CTNNA3: variants seen among roughly 807,000 people sequenced by gnomAD.
The protein encoded by CTNNA3 is catenin alpha 3.
Under a neutral mutation model 95.7 loss-of-function variants are expected in CTNNA3, and 76 were observed. The observed-to-expected ratio is 0.79, with a 90% CI of 0.66 to 0.96. The LOEUF (loss-of-function observed/expected upper bound fraction) is 0.96. Among genes scored for constraint, CTNNA3 ranks in the 40% least tolerant of loss-of-function variants. CTNNA3 has a pLI of 0.00. For missense variants in CTNNA3, 1,191 were observed against 1,089.8 expected (o/e 1.09, Z -1.31); for synonymous variants, 431 against 374.4 (o/e 1.15, Z -1.74).
At chr10:67,354,118 C>G (rs1447730064) in intron 5 of CTNNA3, among the ~76,000 whole-genome samples, 1 of 152,006 alleles carries the variant, frequency 6.6e-6, no homozygotes, top group Non-Finnish European at 1.5e-5. Flanking sequence ...TTACAAAAGT[C>G]TTGCTTTCTG....
At chr10:66,277,718 G>A (rs147478694) in intron 13 of CTNNA3, among the ~76,000 whole-genome samples, 124 of 152,230 alleles carry the variant, frequency 8.1e-4, no homozygotes, top group African/African-American at 2.9e-3. Context: ...TGGGGGTATA[G>A]AGATAGAGAC....
intron 17 of CTNNA3, among the ~76,000 whole-genome samples, chr10:65,950,842 CT>C (rs574328878): frequency 7.9e-5 from 12 of 152,010 alleles, no homozygotes; most frequent in Non-Finnish European, 1.3e-4. Flanking sequence ...CACATCTATA[CT>C]TTTTTTTATC....
At chr10:67,164,060 C>G (rs933310169) in intron 7 of CTNNA3, among the ~76,000 whole-genome samples, 10 of 148,958 alleles carry the variant, frequency 6.7e-5, no homozygotes, top group Non-Finnish European at 1.5e-4. Flanking sequence ...AATTGATATA[C>G]AAGTTTTTAT....
At chr10:66,974,042 T>C (rs1469082525) in intron 7 of CTNNA3, among the ~76,000 whole-genome samples, 1 of 152,196 alleles carries the variant, frequency 6.6e-6, no homozygotes, top group East Asian at 1.9e-4. Flanking sequence ...CAAATCAAGA[T>C]ATAAGAAAAT....
chr10:66,552,582 C>T (rs1040323602), intron 10 of CTNNA3, among the ~76,000 whole-genome samples: 2 of 152,116 alleles, frequency 1.3e-5, no homozygotes, highest in Non-Finnish European at 2.9e-5. Context: ...CTCTAGTGAG[C>T]TTACATCACC....
intron 9 of CTNNA3, among the ~76,000 whole-genome samples, chr10:66,673,428 T>C (rs1261602473): frequency 6.6e-6 from 1 of 152,132 alleles, no homozygotes; most frequent in Non-Finnish European, 1.5e-5. Context: ...TTCTATGTTA[T>C]GTTTCCAAAC....
intron 11 of CTNNA3, among the ~76,000 whole-genome samples, chr10:66,381,747 T>C (rs2092840392): frequency 1.3e-5 from 2 of 152,206 alleles, no homozygotes; most frequent in South Asian, 4.1e-4. Flanking sequence ...ACTAGGGCTT[T>C]AACCTAATTT....
intron 7 of CTNNA3, among the ~76,000 whole-genome samples, chr10:66,924,956 C>G (rs1846987433): frequency 6.6e-6 from 1 of 152,100 alleles, no homozygotes; most frequent in Non-Finnish European, 1.5e-5. Context: ...ACTACGCTGC[C>G]TTAGTTTTTA....
chr10:67,347,873 C>T (rs1168160145), intron 5 of CTNNA3, among the ~76,000 whole-genome samples: 5 of 149,028 alleles, frequency 3.4e-5, no homozygotes, highest in Admixed American at 2.0e-4. Flanking sequence ...ACAATGGAGG[C>T]TTCTCTTCCA....
rs180844374 is a variant in CTNNA3 at position 66,996,043 on chromosome 10, C to T, written c.1047+184274G>A. Among the ~76,000 whole-genome samples the T allele has an allele frequency of 2.0e-5, 3 of 152,048 alleles. No individual in the cohort carries two copies. The East Asian group carries it at 5.8e-4, about 29-fold the overall frequency. On this transcript the variant is annotated intron_variant, in intron 7 of 17. Coordinates refer to ENST00000433211, the MANE Select transcript of CTNNA3 (RefSeq NM_013266.4). ...ATTATTTTAGTACGCTTTATTTTAC[C>T]TACTTATTTACATATTTTGTAATAT...
At chr10:67,066,395 G>A (rs189651439) in intron 7 of CTNNA3, among the ~76,000 whole-genome samples, 1 of 152,068 alleles carries the variant, frequency 6.6e-6, no homozygotes, top group Non-Finnish European at 1.5e-5. Flanking sequence ...GTTGCACCAT[G>A]TTGGCCAGGA....
intron 7 of CTNNA3, among the ~76,000 whole-genome samples, chr10:67,109,859 G>T (rs1205250070): frequency 1.3e-5 from 2 of 152,020 alleles, no homozygotes; most frequent in African/African-American, 4.8e-5. Context: ...AAAAGAAAAA[G>T]AAAATGAATA....
At chr10:67,673,198 G>T (rs1840472497) in intron 1 of CTNNA3, among the ~76,000 whole-genome samples, 1 of 150,470 alleles carries the variant, frequency 6.6e-6, no homozygotes, top group Non-Finnish European at 1.5e-5. Context: ...TGTGATTTTT[G>T]TACATTGATT....
At chr10:65,989,425 AC>A (rs1435298602) in intron 15 of CTNNA3, among the ~76,000 whole-genome samples, 1 of 152,108 alleles carries the variant, frequency 6.6e-6, no homozygotes, top group East Asian at 1.9e-4. Context: ...CCCTTCATAG[AC>A]CTAGATACCT....
At chr10:66,677,496 T>G (rs1447501526) in intron 9 of CTNNA3, among the ~76,000 whole-genome samples, 2 of 152,182 alleles carry the variant, frequency 1.3e-5, no homozygotes, top group South Asian at 2.1e-4. Flanking sequence ...CCAAATCTCA[T>G]CTTGAATTGT....
In CTNNA3 at chr10:67,135,549, C is replaced by A. The variant is rs1371538112; in HGVS notation, c.1047+44768G>T. Among the ~76,000 whole-genome samples, 5 of 152,146 alleles carry A rather than the reference C, an allele frequency of 3.3e-5. No individual in the cohort carries two copies. In the East Asian group the frequency reaches 9.7e-4, roughly 29 times the overall value. ...AATTAAAGGGGTATGGTGGTACATGCCTGTAGTCCCAGCTACTCAGGAGGC... is the reference window on the plus strand; with the variant it reads ...AATTAAAGGGGTATGGTGGTACATGACTGTAGTCCCAGCTACTCAGGAGGC... On this transcript the variant is annotated intron_variant, in intron 7 of 17. Coordinates refer to ENST00000433211, the MANE Select transcript of CTNNA3 (RefSeq NM_013266.4).
intron 5 of CTNNA3, among the ~76,000 whole-genome samples, chr10:67,512,537 T>C (rs1450151313): frequency 6.6e-6 from 1 of 152,132 alleles, no homozygotes; most frequent in Non-Finnish European, 1.5e-5. Flanking sequence ...ATTCTAGAAA[T>C]TGTCAATAAA....
chr10:67,390,942 C>T (rs1844445209), intron 5 of CTNNA3, among the ~76,000 whole-genome samples: 1 of 152,004 alleles, frequency 6.6e-6, no homozygotes, highest in African/African-American at 2.4e-5. Context: ...AACCCACAGC[C>T]AATATCATAC....
chr10:66,625,513 C>A (rs968467844), intron 9 of CTNNA3, among the ~76,000 whole-genome samples: 12 of 152,096 alleles, frequency 7.9e-5, no homozygotes, highest in Non-Finnish European at 1.3e-4. Context: ...CACAGCCCCT[C>A]AAGTAGCTGG....
Sources: gnomAD v4.1 joint callset for allele counts (sites outside exome capture counted in the v4.1 genomes callset) on GRCh38, gnomAD v4.1.1 for gene constraint, MANE v1.5 for transcripts, NCBI Gene and HGNC (gene_info 2026-07-23, HGNC 2026-07-21) for gene names.